Variants in VAV3 observed in about 807,000 individuals in gnomAD.
The protein encoded by VAV3 is guanine nucleotide exchange factor VAV3.
A neutral mutation model predicts 131.2 loss-of-function variants in VAV3; 94 were observed. That is an observed-to-expected ratio of 0.72 (90% confidence interval 0.61 to 0.85). VAV3 has a LOEUF of 0.85. Ranked by LOEUF, VAV3 falls within the 40% of genes least tolerant of loss-of-function variation. VAV3 has a pLI of 0.00. For synonymous variants in VAV3, 349 were observed against 342.0 expected (o/e 1.02, Z -0.22); for missense variants, 939 against 1,002.7 (o/e 0.94, Z 0.86).
intron 20 of VAV3, among the ~76,000 whole-genome samples, chr1:107,635,588 T>C (rs1654865299): frequency 6.6e-6 from 1 of 152,174 alleles, no homozygotes; most frequent in Non-Finnish European, 1.5e-5. Flanking sequence ...ACCTGCACGT[T>C]GTGCACACGT....
chr1:107,752,797 T>C (rs954527225), intron 12 of VAV3, among the ~76,000 whole-genome samples: 1 of 152,106 alleles, frequency 6.6e-6, no homozygotes, highest in Non-Finnish European at 1.5e-5. Context: ...ACAAACCGAA[T>C]AGTGAGTGTT....
chr1:107,812,448 C>T (rs780215517), intron 2 of VAV3, among the ~76,000 whole-genome samples: 1 of 151,944 alleles, frequency 6.6e-6, no homozygotes, highest in Admixed American at 6.6e-5. Context: ...ATTTTTTAAG[C>T]TGATTTCCAA....
intron 15 of VAV3, among the ~76,000 whole-genome samples, chr1:107,739,216 G>A (rs1250044423): frequency 6.6e-6 from 1 of 152,184 alleles, no homozygotes; most frequent in African/African-American, 2.4e-5. Flanking sequence ...GAGAGAGCTT[G>A]ATCCTCACTA....
At chr1:107,842,244 T>C (rs558528074) in intron 2 of VAV3, among the ~76,000 whole-genome samples, 1 of 152,308 alleles carries the variant, frequency 6.6e-6, no homozygotes, top group African/African-American at 2.4e-5. Context: ...AATTCTAAAA[T>C]GAGTCCACTA....
chr1:107,801,788 T>C (rs1570973352), intron 2 of VAV3, among the ~76,000 whole-genome samples: 1 of 152,212 alleles, frequency 6.6e-6, no homozygotes, highest in Non-Finnish European at 1.5e-5. Context: ...GATTCATGAA[T>C]TGTTCATTGC....
chr1:107,745,597 A>C (rs1031919168), intron 15 of VAV3, among the ~76,000 whole-genome samples: 13 of 152,158 alleles, frequency 8.5e-5, no homozygotes, highest in African/African-American at 3.1e-4. Context: ...GAGAATATTT[A>C]TGTTCACCAG....
At chr1:107,893,400 CTG>C (rs781444999) in intron 1 of VAV3, among the ~76,000 whole-genome samples, 3 of 151,994 alleles carry the variant, frequency 2.0e-5, no homozygotes, top group Non-Finnish European at 4.4e-5. Context: ...TTTTACAAGC[CTG>C]TGTGTTTGTA....
At chr1:107,963,258 T>C (rs1675224524) in intron 1 of VAV3, among the ~76,000 whole-genome samples, 1 of 151,878 alleles carries the variant, frequency 6.6e-6, no homozygotes, top group Non-Finnish European at 1.5e-5. Context: ...ACAGGCAAAG[T>C]GGAAAATGGG....
intron 2 of VAV3, among the ~76,000 whole-genome samples, chr1:107,828,913 G>A (rs1006087286): frequency 6.7e-6 from 1 of 149,944 alleles, no homozygotes; most frequent in East Asian, 2.1e-4. Context: ...ACTTACCTCT[G>A]TGATAACACC....
intron 2 of VAV3, among the ~76,000 whole-genome samples, chr1:107,810,040 T>A (rs1667245482): frequency 1.3e-5 from 2 of 152,358 alleles, no homozygotes; most frequent in Non-Finnish European, 2.9e-5. Flanking sequence ...AAAGACCATA[T>A]ATTTTGAAAT....
intron 1 of VAV3, among the ~76,000 whole-genome samples, chr1:107,919,272 A>G (rs1672772199): frequency 6.6e-6 from 1 of 152,228 alleles, no homozygotes; most frequent in Non-Finnish European, 1.5e-5. Flanking sequence ...CTATTATACT[A>G]CTGCTCATCA....
At chr1:107,687,611 G>A (rs972227115) in intron 18 of VAV3, among the ~76,000 whole-genome samples, 17 of 152,072 alleles carry the variant, frequency 1.1e-4, no homozygotes, top group African/African-American at 3.6e-4. Flanking sequence ...TGAAGGTCAA[G>A]GCAATGATTG....
At chr1:107,934,790 C>T (rs1226127576) in intron 1 of VAV3, among the ~76,000 whole-genome samples, 1 of 152,230 alleles carries the variant, frequency 6.6e-6, no homozygotes, top group African/African-American at 2.4e-5. Flanking sequence ...ACTGAACACA[C>T]ACTCTGGGGA....
intron 25 of VAV3, among the ~76,000 whole-genome samples, chr1:107,585,236 C>G (rs1650391485): frequency 6.6e-6 from 1 of 152,132 alleles, no homozygotes; most frequent in Admixed American, 6.6e-5. Flanking sequence ...TTGGATCACC[C>G]TCAAAATATA....
At chr1:107,682,796 G>A (rs529741760) in intron 19 of VAV3, among the ~76,000 whole-genome samples, 12 of 152,242 alleles carry the variant, frequency 7.9e-5, no homozygotes, top group East Asian at 3.9e-4. Flanking sequence ...CATCAAGTTC[G>A]TGTATTTGGA....
chr1:107,955,470 G>C (rs1200544894), intron 1 of VAV3, among the ~76,000 whole-genome samples: 2 of 151,894 alleles, frequency 1.3e-5, no homozygotes, highest in Admixed American at 1.3e-4. Flanking sequence ...ACTAGCCTAT[G>C]GCATCCTCAA....
At chr1:107,585,025 A>T (rs890326715) in intron 25 of VAV3, among the ~76,000 whole-genome samples, 5 of 152,238 alleles carry the variant, frequency 3.3e-5, no homozygotes, top group Non-Finnish European at 2.9e-5. Context: ...GAAGAGATAG[A>T]CACAGACAGA....
At chr1:107,691,324 T>A (rs1450423699) in intron 17 of VAV3, among the ~76,000 whole-genome samples, 1 of 152,176 alleles carries the variant, frequency 6.6e-6, no homozygotes, top group Non-Finnish European at 1.5e-5. Context: ...GAAAAGTTGC[T>A]CTAAGTTTTG....
intron 1 of VAV3, among the ~76,000 whole-genome samples, chr1:107,916,272 A>G (rs943581623): frequency 1.3e-5 from 2 of 152,260 alleles, no homozygotes; most frequent in Admixed American, 1.3e-4. Context: ...TGGTAAGAAT[A>G]GAAGCATACT....
Sources: gnomAD v4.1 joint callset for allele counts (sites outside exome capture counted in the v4.1 genomes callset) on GRCh38, gnomAD v4.1.1 for gene constraint, MANE v1.5 for transcripts, NCBI Gene and HGNC (gene_info 2026-07-23, HGNC 2026-07-21) for gene names.